Variants in LINGO2 observed in about 807,000 individuals in gnomAD.
LINGO2 encodes the protein leucine rich repeat and Ig domain containing 2, also known as leucine-rich repeat and immunoglobulin-like domain-containing nogo receptor-interacting protein 2.
In LINGO2, 14 loss-of-function variants were observed where a neutral mutation model predicts 30.6. That is an observed-to-expected ratio of 0.46 (90% confidence interval 0.30 to 0.72). The LOEUF (loss-of-function observed/expected upper bound fraction) is 0.72, where lower values mean the gene tolerates loss of function less well. Ranked by LOEUF, LINGO2 falls within the 30% of genes least tolerant of loss-of-function variation. The pLI, the probability that LINGO2 is intolerant of heterozygous loss-of-function variation, is 0.07. For missense variants in LINGO2, 729 were observed against 751.7 expected (o/e 0.97, Z 0.35); for synonymous variants, 317 against 288.5 (o/e 1.10, Z -1.00).
intron 4 of LINGO2, among the ~76,000 whole-genome samples, chr9:28,070,180 C>T (rs1431973018): frequency 6.6e-6 from 1 of 152,142 alleles, no homozygotes; most frequent in Non-Finnish European, 1.5e-5. Context: ...TTCTACCAGC[C>T]ATGTTATAAG....
the LINGO2 span, among the ~76,000 whole-genome samples, chr9:28,682,320 C>T: frequency 6.6e-6 from 1 of 152,166 alleles, no homozygotes; most frequent in African/African-American, 2.4e-5. Context: ...TGAACCTGTT[C>T]CGCATTCACT....
At chr9:28,747,366 C>G in the LINGO2 span, among the ~76,000 whole-genome samples, 1 of 151,992 alleles carries the variant, frequency 6.6e-6, no homozygotes, top group East Asian at 1.9e-4. Flanking sequence ...GCCACCTCCA[C>G]CACTCAATAA....
intron 4 of LINGO2, among the ~76,000 whole-genome samples, chr9:28,028,418 C>T (rs1030249688): frequency 6.6e-6 from 1 of 152,102 alleles, no homozygotes; most frequent in African/African-American, 2.4e-5. Context: ...CGGACATCTA[C>T]AGTATAAAAG....
chr9:29,159,457 C>T, the LINGO2 span, among the ~76,000 whole-genome samples: 16 of 152,030 alleles, frequency 1.1e-4, no homozygotes, highest in Non-Finnish European at 2.4e-4. Context: ...AGAAGTTATA[C>T]AAGTTTCCTA....
At chr9:28,421,039 C>A (rs1044586892) in intron 2 of LINGO2, among the ~76,000 whole-genome samples, 2 of 151,856 alleles carry the variant, frequency 1.3e-5, no homozygotes, top group Non-Finnish European at 2.9e-5. Context: ...TTTAATATCT[C>A]CCAAGGTAAA....
intron 4 of LINGO2, among the ~76,000 whole-genome samples, chr9:28,269,480 A>G (rs1242351189): frequency 6.6e-6 from 1 of 152,100 alleles, no homozygotes; most frequent in Non-Finnish European, 1.5e-5. Context: ...CGATAACACA[A>G]ATTTCCATTT....
chr9:28,587,530 G>A (rs1358206886), intron 1 of LINGO2, among the ~76,000 whole-genome samples: 1 of 151,880 alleles, frequency 6.6e-6, no homozygotes, highest in African/African-American at 2.4e-5. Context: ...ACTATGTACA[G>A]GGTGACCTTG....
At chr9:28,753,049 G>T in the LINGO2 span, among the ~76,000 whole-genome samples, 4 of 151,994 alleles carry the variant, frequency 2.6e-5, no homozygotes, top group East Asian at 1.9e-4. Context: ...GGAGATTTTT[G>T]ATTTTTTTAT....
intron 2 of LINGO2, among the ~76,000 whole-genome samples, chr9:28,394,281 G>A (rs187576311): frequency 2.5e-3 from 374 of 152,272 alleles, no homozygotes; most frequent in Middle Eastern, 0.014. Flanking sequence ...TCTGATGGAG[G>A]ACTTCACTGT....
chr9:28,779,666 A>G, the LINGO2 span, among the ~76,000 whole-genome samples: 1 of 152,168 alleles, frequency 6.6e-6, no homozygotes, highest in Non-Finnish European at 1.5e-5. Context: ...ATCTTACAAC[A>G]CATTTCAGAA....
At chr9:28,673,590 C>G (rs1829104165), upstream of LINGO2, among the ~76,000 whole-genome samples, 1 of 151,848 alleles carries the variant, frequency 6.6e-6, no homozygotes, top group Non-Finnish European at 1.5e-5. Context: ...TCGCTTGAAC[C>G]CGGGAGGCGC....
At chr9:29,178,650 A>G in the LINGO2 span, among the ~76,000 whole-genome samples, 4 of 152,178 alleles carry the variant, frequency 2.6e-5, no homozygotes, top group Admixed American at 2.0e-4. Flanking sequence ...CACTTTGGAA[A>G]CTATGTATAT....
intron 5 of LINGO2, among the ~76,000 whole-genome samples, chr9:27,981,571 A>AAAAAAAAAAAAAAAAAAAAAAG (rs1820876000): frequency 2.7e-5 from 2 of 74,230 alleles, no homozygotes; most frequent in Non-Finnish European, 3.5e-5. Context: ...AAAAAAAAAG[A>AAAAAAAAAAAAAAAAAAAAAAG]AAAAAAAAAG....
the LINGO2 span, among the ~76,000 whole-genome samples, chr9:28,926,735 C>G: frequency 1.3e-4 from 20 of 152,210 alleles, no homozygotes; most frequent in Admixed American, 1.1e-3. Flanking sequence ...CTCTATTTAA[C>G]AAACTTCTAA....
the LINGO2 span, among the ~76,000 whole-genome samples, chr9:28,877,291 A>C: frequency 2.6e-5 from 4 of 151,874 alleles, no homozygotes; most frequent in African/African-American, 9.7e-5. Context: ...TTTCGTTGCC[A>C]TTGCTTTTGG....
chr9:29,128,776 T>A, the LINGO2 span, among the ~76,000 whole-genome samples: 1 of 152,076 alleles, frequency 6.6e-6, no homozygotes, highest in African/African-American at 2.4e-5. Flanking sequence ...GGCTATTGGA[T>A]CTTTGTTTGT....
intron 2 of LINGO2, among the ~76,000 whole-genome samples, chr9:28,407,211 A>T (rs1442541935): frequency 6.6e-6 from 1 of 151,734 alleles, no homozygotes; most frequent in African/African-American, 2.4e-5. Context: ...AAAATAATTT[A>T]AAAACAATAA....
intron 4 of LINGO2, among the ~76,000 whole-genome samples, chr9:28,174,744 G>T (rs1393592211): frequency 6.6e-6 from 1 of 152,178 alleles, no homozygotes; most frequent in Non-Finnish European, 1.5e-5. Flanking sequence ...TGAAAGCTCT[G>T]TAGAGTGGGA....
chr9:28,467,519 C>A (rs1053628605), intron 2 of LINGO2, among the ~76,000 whole-genome samples: 6 of 151,996 alleles, frequency 3.9e-5, no homozygotes, highest in African/African-American at 1.4e-4. Flanking sequence ...CTAAAATGAA[C>A]CACAATTCCT....
Sources: gnomAD v4.1 joint callset for allele counts (sites outside exome capture counted in the v4.1 genomes callset) on GRCh38, gnomAD v4.1.1 for gene constraint, MANE v1.5 for transcripts, NCBI Gene and HGNC (gene_info 2026-07-23, HGNC 2026-07-21) for gene names.